The following OLFML1 variants were observed in gnomAD, a reference collection of about 807,000 sequenced individuals.
The protein encoded by OLFML1 is olfactomedin like 1, also known as olfactomedin-like protein 1.
In OLFML1, 33 loss-of-function variants were observed where a neutral mutation model predicts 37.3. That is an observed-to-expected ratio of 0.88 (90% CI 0.67 to 1.18). The LOEUF (loss-of-function observed/expected upper bound fraction) is 1.18, where lower values mean the gene tolerates loss of function less well. Ranked by LOEUF, OLFML1 falls within the 50% of genes most tolerant of loss-of-function variation. The pLI is 0.00. For missense variants in OLFML1, 545 were observed against 483.7 expected, an observed-to-expected ratio of 1.13 and a Z score of -1.19; for synonymous variants, 186 against 181.3, an observed-to-expected ratio of 1.03 and a Z score of -0.21.
intron 2 of OLFML1, among the ~76,000 whole-genome samples, chr11:7,502,112 T>A (rs1306156426): frequency 6.6e-6 from 1 of 152,180 alleles, no homozygotes; most frequent in Non-Finnish European, 1.5e-5. Flanking sequence ...AAAGTGAGAC[T>A]TGAAGGCTAA....
At chr11:7,486,978 G>A (rs1848531516) in intron 1 of OLFML1, among the ~76,000 whole-genome samples, 1 of 152,146 alleles carries the variant, frequency 6.6e-6, no homozygotes, top group South Asian at 2.1e-4. Flanking sequence ...TTCTTCACTT[G>A]CTCCCTCCTG....
chr11:7,486,025 T>C (rs1848517971), intron 1 of OLFML1, 21 bp downstream of exon 1: 1 of 1,609,690 alleles, frequency 6.2e-7, no homozygotes, highest in East Asian at 2.2e-5. Flanking sequence ...TCTGTACACC[T>C]TGGATAAGTA....
intron 2 of OLFML1, among the ~76,000 whole-genome samples, chr11:7,502,017 TAAGAA>T (rs1406486143): frequency 6.6e-6 from 1 of 152,012 alleles, no homozygotes; most frequent in African/African-American, 2.4e-5. Flanking sequence ...CTCAAGGAAA[TAAGAA>T]AAGGGCTAGA....
intron 2 of OLFML1, among the ~76,000 whole-genome samples, chr11:7,501,403 ATG>A (rs1217426497): frequency 6.6e-6 from 1 of 152,184 alleles, no homozygotes; most frequent in Non-Finnish European, 1.5e-5. Flanking sequence ...ACCCAGAACA[ATG>A]TTGACCCAGA....
At chr11:7,486,130 C>T (rs952686941) in intron 1 of OLFML1, 126 bp downstream of exon 1, 1 of 930,440 alleles carries the variant, frequency 1.1e-6, no homozygotes, top group Non-Finnish European at 1.6e-6. Context: ...GCCAAAGTTA[C>T]ACTTTAAAAT....
intron 2 of OLFML1, among the ~76,000 whole-genome samples, chr11:7,491,939 C>T (rs2134177317): frequency 6.6e-6 from 1 of 152,330 alleles, no homozygotes; most frequent in East Asian, 1.9e-4. Flanking sequence ...CCAGCCCACC[C>T]ATAATTTCCT....
In OLFML1 at chr11:7,511,154, TAGTC is replaced by T. The variant is rs1848856060; in HGVS notation, c.*967_*970del. Reference sequence around the variant, plus strand: ...GTTCATCGTTTCAGCCTAAAAATAATAGTCTGTCCCTTTAGCCAGTTTTCATGTC... The same window carrying T: ...GTTCATCGTTTCAGCCTAAAAATAATTGTCCCTTTAGCCAGTTTTCATGTC... On this transcript the variant is annotated 3_prime_UTR_variant, in exon 3 of 3. Coordinates refer to ENST00000329293, the MANE Select transcript of OLFML1 (RefSeq NM_198474.4). 2 of 152,250 alleles carry T rather than the reference TAGTC, an allele frequency of 1.3e-5. No individual in the cohort carries two copies. The allele number at this position is 152,250 out of a possible 1,614,324, so 9.4% of individuals were successfully genotyped here.
At chr11:7,507,176 TGAA>T (rs1564923006) in intron 2 of OLFML1, among the ~76,000 whole-genome samples, 2 of 152,238 alleles carry the variant, frequency 1.3e-5, no homozygotes, top group Non-Finnish European at 2.9e-5. Context: ...AATAGTAGCC[TGAA>T]GTGGCACTAA....
chr11:7,507,544 A>C (rs1384458069), intron 2 of OLFML1, among the ~76,000 whole-genome samples: 1 of 136,494 alleles, frequency 7.3e-6, no homozygotes, highest in Non-Finnish European at 1.6e-5. Flanking sequence ...TTGAAAATTT[A>C]TGTGTAACTT....
rs1848517798 is a variant in OLFML1, at chr11:7,486,017, T to C, written c.129+13T>C. 1 of 1,612,436 alleles carries C rather than the reference T, an allele frequency of 6.2e-7. No homozygotes were observed. The highest frequency in any genetic ancestry group is 2.2e-5 in the East Asian group (1 of 44,864). ...TCGAGTCTTGGAGGTAGGTGGCATC[T>C]GTACACCTTGGATAAGTAACAGGCT... On this transcript the variant is annotated intron_variant, in intron 1 of 2. Transcript: ENST00000329293.
At chr11:7,488,104 G>C (rs752804276) in intron 1 of OLFML1, 23 bp from the exon 2 acceptor site, 120 of 1,568,846 alleles carry the variant, frequency 7.6e-5, no homozygotes, top group Non-Finnish European at 1.0e-4. Context: ...GCAATAATTT[G>C]CAAATTTATT....
chr11:7,510,325 T>G lies in OLFML1; in HGVS notation c.*137T>G, dbSNP rs1848845888. The G allele has an allele frequency of 8.7e-6, 6 of 693,398 alleles. No homozygotes were observed. The highest frequency in any genetic ancestry group is 1.8e-5 in the African/African-American group (1 of 55,594). 43.0% of individuals were successfully genotyped at this position (693,398 alleles called of 1,614,324 possible). ...GTGTAGAAGTGGAAATACGTATGCCTCCTTTCCCAAATGTCACTGCCTTAG... is the reference window on the plus strand; with the variant it reads ...GTGTAGAAGTGGAAATACGTATGCCGCCTTTCCCAAATGTCACTGCCTTAG... On this transcript the variant is annotated 3_prime_UTR_variant, in exon 3 of 3. Transcript: ENST00000329293.
Position 7,510,203 on chromosome 11 carries a change from G to T in OLFML1, c.*15G>T. On this transcript the variant is annotated 3_prime_UTR_variant, in exon 3 of 3. Transcript: ENST00000329293. The stretch of plus-strand genomic sequence containing the variant: ...CTCTGAAGTAATGCATTACAGCTGT[G>T]AGAAAGAGCACTGTGGCTTTGGCAG... 6.3e-7 allele frequency: 1 copy of T among 1,587,190 alleles called. No homozygotes were observed. The highest frequency in any genetic ancestry group is 1.1e-5 in the South Asian group (1 of 88,916).
chr11:7,506,186 GTTGTT>G (rs1405140514), intron 2 of OLFML1, among the ~76,000 whole-genome samples: 1 of 152,198 alleles, frequency 6.6e-6, no homozygotes, highest in Non-Finnish European at 1.5e-5. Flanking sequence ...AATTGTTGTT[GTTGTT>G]TTAATATAGG....
At chr11:7,489,503 T>C (rs1013702731) in intron 2 of OLFML1, among the ~76,000 whole-genome samples, 8 of 151,692 alleles carry the variant, frequency 5.3e-5, no homozygotes, top group African/African-American at 1.9e-4. Flanking sequence ...AGACCTTGCA[T>C]GCTAGATGAA....
intron 2 of OLFML1, among the ~76,000 whole-genome samples, chr11:7,493,369 T>C (rs752189353): frequency 1.8e-4 from 27 of 152,210 alleles, no homozygotes; most frequent in Non-Finnish European, 2.8e-4. Flanking sequence ...CCAAATAAAA[T>C]GTATCTGTTT....
At position 7,497,197 on chromosome 11, in the gene OLFML1, T is replaced by C. The variant is rs144706875; in HGVS notation, c.418+8782T>C. Among the ~76,000 whole-genome samples, 18 of 152,280 alleles carry C rather than the reference T, an allele frequency of 1.2e-4. No homozygotes were observed. The East Asian group carries it at 3.3e-3, about 28-fold the overall frequency. ...TTTTGTTGAGGTTGGTTATAACTAT[T>C]GATATTTACCATGTACATAATTAAA... On this transcript the variant is annotated intron_variant, in intron 2 of 2. Transcript: ENST00000329293.
chr11:7,485,938 C>T lies in OLFML1; in HGVS notation c.63C>T (p.Pro21=), dbSNP rs750445047. 1 of 1,613,922 alleles carries T rather than the reference C, an allele frequency of 6.2e-7. No homozygotes were observed. Among genetic ancestry groups the T allele is most frequent in the South Asian group, 1.1e-5 (1 of 91,066 alleles). ...TTCTGTTCCTTGCAGCTTTTCTGCC[C>T]CCGCCGCAGTGTACCCAGGACCCAG... The part of the protein sequence containing the change: ...LLVLFLAAFL[P]PPQCTQDPAM... Residue 21 remains proline, a synonymous_variant, in exon 1 of 3, where the codon CCC becomes CCT. Transcript: ENST00000329293.
chr11:7,486,383 A>T (rs1293469897), intron 1 of OLFML1, among the ~76,000 whole-genome samples: 1 of 152,350 alleles, frequency 6.6e-6, no homozygotes, highest in East Asian at 1.9e-4. Context: ...AAAATATGAA[A>T]CTTAAAAATG....
Sources: gnomAD v4.1 joint callset for allele counts (sites outside exome capture counted in the v4.1 genomes callset) on GRCh38, gnomAD v4.1.1 for gene constraint, MANE v1.5 for transcripts, NCBI Gene and HGNC (gene_info 2026-07-23, HGNC 2026-07-21) for gene names.